The following LOXHD1 variants were observed in gnomAD, a reference collection of about 807,000 sequenced individuals.
LOXHD1 encodes the protein lipoxygenase homology domain-containing protein 1.
Under a neutral mutation model 248.2 loss-of-function variants are expected in LOXHD1, and 205 were observed. The ratio of observed to expected loss-of-function variants is 0.83; its 90% CI spans 0.74 to 0.93. The LOEUF (loss-of-function observed/expected upper bound fraction) is 0.93. LOXHD1 is among the 40% of genes least tolerant of loss of function. The pLI is 0.00. For missense variants in LOXHD1, 2,930 were observed against 2,971.6 expected, an observed-to-expected ratio of 0.99 and a Z score of 0.33; for synonymous variants, 1,113 against 1,162.8, an observed-to-expected ratio of 0.96 and a Z score of 0.87.
intron 22 of LOXHD1, among the ~76,000 whole-genome samples, chr18:46,545,623 A>ATTTTTTTTTTTTTTT (rs1555676193): frequency 2.3e-5 from 2 of 86,052 alleles, no homozygotes; most frequent in African/African-American, 9.2e-5. Context: ...CCTCTTGGCC[A>ATTTTTTTTTTTTTTT]TTTCTTTTTT....
At chr18:46,635,166 C>T (rs1483369998) in intron 4 of LOXHD1, among the ~76,000 whole-genome samples, 1 of 151,898 alleles carries the variant, frequency 6.6e-6, no homozygotes, top group Non-Finnish European at 1.5e-5. Context: ...GGGCTGATGC[C>T]TAGATAGACA....
At chr18:46,587,693 C>T (rs2038087805) in intron 12 of LOXHD1, among the ~76,000 whole-genome samples, 1 of 152,212 alleles carries the variant, frequency 6.6e-6, no homozygotes, top group African/African-American at 2.4e-5. Flanking sequence ...CGAGAAGCTA[C>T]GATTTTCTGC....
At position 46,522,088 on chromosome 18, in the gene LOXHD1, G is replaced by A. The variant is rs868600703; in HGVS notation, c.5085+13C>T. 22 of 1,456,308 alleles carry A rather than the reference G, an allele frequency of 1.5e-5. No individual in the cohort carries two copies. The highest frequency in any genetic ancestry group is 4.8e-5 in the South Asian group (4 of 82,824). The allele number at this position is 1,456,308 out of a possible 1,614,324, so 90.2% of individuals were successfully genotyped here. A position where few individuals can be genotyped will look rare whatever the true frequency, so the allele number is the denominator to read the frequency against. The stretch of plus-strand genomic sequence containing the variant: ...AGGGTGGTCACTATCATGGGGCCCC[G>A]AGAAGCCAGCACCTCTATTTTCTTG... On this transcript the variant is annotated intron_variant, in intron 32 of 40. Coordinates refer to ENST00000642948, the MANE Select transcript of LOXHD1 (RefSeq NM_001384474.1).
chr18:46,555,169 C>T (rs1251268200), intron 21 of LOXHD1: 6 of 470,954 alleles, frequency 1.3e-5, no homozygotes, highest in Admixed American at 9.4e-5. Flanking sequence ...CACAGTTTGT[C>T]CCCAGCCTCA....
intron 4 of LOXHD1, among the ~76,000 whole-genome samples, chr18:46,627,518 G>GAA (rs796474993): frequency 6.7e-6 from 1 of 149,394 alleles, no homozygotes; most frequent in African/African-American, 2.5e-5. Context: ...TCCACAAACA[G>GAA]AAAAAAAAAG....
intron 1 of LOXHD1, among the ~76,000 whole-genome samples, chr18:46,650,945 C>A (rs1024838385): frequency 3.9e-5 from 6 of 152,308 alleles, no homozygotes; most frequent in Admixed American, 1.3e-4. Context: ...ACCTGGTTTG[C>A]AGGGCATTCT....
At chr18:46,637,990 G>A (rs1254081200) in intron 4 of LOXHD1, among the ~76,000 whole-genome samples, 1 of 152,144 alleles carries the variant, frequency 6.6e-6, no homozygotes, top group Non-Finnish European at 1.5e-5. Context: ...AAATTTTTTA[G>A]AGGGGGAGCA....
Position 46,547,007 on chromosome 18 carries a change from C to T in LOXHD1, c.3402G>A (p.Gln1134=). The stretch of plus-strand genomic sequence containing the variant: ...CCACTGGCAACAGCTCCCTGGACAG[C>T]TGGCCATCATCTTCCTCCACTGCCA... The part of the protein sequence containing the change: ...RWLAVEEDDG[Q]LSRELLPVDE... The change falls in exon 22 of 41, where the codon CAG becomes CAA. Residue 1134 remains glutamine, a synonymous_variant. Coordinates refer to ENST00000642948, the MANE Select transcript of LOXHD1 (RefSeq NM_001384474.1). 6.4e-7 allele frequency: 1 copy of T among 1,551,790 alleles called. No individual in the cohort carries two copies.
chr18:46,575,415 C>T (rs1361093070), intron 14 of LOXHD1, among the ~76,000 whole-genome samples: 4 of 152,214 alleles, frequency 2.6e-5, no homozygotes, highest in Admixed American at 6.5e-5. Context: ...TCCTAACCTC[C>T]GGTACCTCAG....
chr18:46,550,358 G>A (rs2037040153), intron 21 of LOXHD1, among the ~76,000 whole-genome samples: 1 of 151,846 alleles, frequency 6.6e-6, no homozygotes, highest in Non-Finnish European at 1.5e-5. Flanking sequence ...TGGATCATGA[G>A]GTCAGGAGAT....
intron 2 of LOXHD1, among the ~76,000 whole-genome samples, chr18:46,648,509 C>T (rs1036537607): frequency 1.3e-5 from 2 of 152,162 alleles, no homozygotes; most frequent in African/African-American, 4.8e-5. Flanking sequence ...TCCTGAGGCC[C>T]AAAACGTCTC....
At chr18:46,609,069 C>G (rs28582901) in intron 6 of LOXHD1, among the ~76,000 whole-genome samples, 3,569 of 152,302 alleles carry the variant, frequency 0.023, 132 homozygotes, top group East Asian at 0.073. Context: ...AATAAGGCAT[C>G]ATTTGCCAGA....
chr18:46,645,411 G>A (rs959397508), intron 2 of LOXHD1, among the ~76,000 whole-genome samples: 2 of 152,180 alleles, frequency 1.3e-5, no homozygotes, highest in African/African-American at 4.8e-5. Context: ...AGCCAGCAGA[G>A]CCATCGGGCT....
At chr18:46,628,508 C>T (rs1481217556) in intron 4 of LOXHD1, among the ~76,000 whole-genome samples, 1 of 152,198 alleles carries the variant, frequency 6.6e-6, no homozygotes. Flanking sequence ...AATGACAAAG[C>T]GTCGGGAAAA....
chr18:46,537,141 C>A (rs1412182771), intron 26 of LOXHD1, among the ~76,000 whole-genome samples: 1 of 152,180 alleles, frequency 6.6e-6, no homozygotes, highest in East Asian at 1.9e-4. Context: ...TCAAAGCCAC[C>A]TCTTCCAAGG....
chr18:46,548,850 C>A (rs1240955773), intron 21 of LOXHD1, among the ~76,000 whole-genome samples: 1 of 152,152 alleles, frequency 6.6e-6, no homozygotes, highest in African/African-American at 2.4e-5. Flanking sequence ...AAAATGCACA[C>A]AGAGTCTGGA....
intron 12 of LOXHD1, among the ~76,000 whole-genome samples, chr18:46,586,833 C>T (rs1414591838): frequency 6.6e-6 from 1 of 152,148 alleles, no homozygotes; most frequent in Non-Finnish European, 1.5e-5. Context: ...AGACAAATCA[C>T]CAAGAAGGTG....
chr18:46,479,146 G>A (rs1326551822), intron 40 of LOXHD1, among the ~76,000 whole-genome samples: 1 of 151,758 alleles, frequency 6.6e-6, no homozygotes, highest in Non-Finnish European at 1.5e-5. Context: ...ACAATTTTAG[G>A]CAAAACCAAG....
intron 3 of LOXHD1, 81 bp downstream of exon 3, chr18:46,641,875 A>G: frequency 7.4e-7 from 1 of 1,349,736 alleles, no homozygotes; most frequent in Non-Finnish European, 1.0e-6. Flanking sequence ...GAAGTAATTC[A>G]TACCCAGAAA....
Sources: gnomAD v4.1 joint callset for allele counts (sites outside exome capture counted in the v4.1 genomes callset) on GRCh38, gnomAD v4.1.1 for gene constraint, MANE v1.5 for transcripts, NCBI Gene and HGNC (gene_info 2026-07-23, HGNC 2026-07-21) for gene names.